RORA: variants seen among roughly 807,000 people sequenced by gnomAD.
RORA encodes the protein RAR related orphan receptor A.
RORA carries 7 observed loss-of-function variants against 69.5 expected under a neutral mutation model. That is an observed-to-expected ratio of 0.10 (90% CI 0.06 to 0.19). The LOEUF (loss-of-function observed/expected upper bound fraction) is 0.19, where lower values mean the gene tolerates loss of function less well. Among genes scored for constraint, RORA ranks in the 10% least tolerant of loss-of-function variants. The pLI is 1.00. For synonymous variants in RORA, 261 were observed against 240.8 expected, an observed-to-expected ratio of 1.08 and a Z score of -0.78; for missense variants, 457 against 663.0, an observed-to-expected ratio of 0.69 and a Z score of 3.41.
chr15:60,516,543 T>C (rs2065966722), intron 3 of RORA, among the ~76,000 whole-genome samples: 1 of 151,836 alleles, frequency 6.6e-6, no homozygotes, highest in Non-Finnish European at 1.5e-5. Flanking sequence ...GTTGTGAAGA[T>C]AGATGACCCC....
At chr15:60,757,312 T>G (rs1217432317) in intron 1 of RORA, among the ~76,000 whole-genome samples, 1 of 152,068 alleles carries the variant, frequency 6.6e-6, no homozygotes, top group South Asian at 2.1e-4. Context: ...TCCATAAACA[T>G]TATCAGGTCT....
At chr15:61,166,075 G>A (rs1274244982) in intron 1 of RORA, among the ~76,000 whole-genome samples, 1 of 152,202 alleles carries the variant, frequency 6.6e-6, no homozygotes, top group Admixed American at 6.5e-5. Flanking sequence ...TCTTCTGAGT[G>A]GGGGGCATCA....
In RORA at chr15:60,843,655, C is replaced by T. The variant is rs144687218; in HGVS notation, c.167-164969G>A. The stretch of plus-strand genomic sequence containing the variant: ...ACGCTTTCAAGATTCACACTCTGAC[C>T]GTGGCAAGCCAGGTTCTCGGAGGGT... On this transcript the variant is annotated intron_variant, in intron 1 of 10. Transcript: ENST00000335670. Among the ~76,000 whole-genome samples the T allele has an allele frequency of 1.6e-3, 241 of 151,848 alleles. 1 individual carries two copies. Among genetic ancestry groups the T allele is most frequent in the African/African-American group, 4.2e-3 (175 of 41,402 alleles).
intron 1 of RORA, among the ~76,000 whole-genome samples, chr15:60,836,057 A>G (rs1462994601): frequency 1.3e-5 from 2 of 152,244 alleles, no homozygotes; most frequent in African/African-American, 4.8e-5. Flanking sequence ...AGTGACAGGC[A>G]TATTTCTTAT....
At chr15:60,774,650 A>G (rs1039685222) in intron 1 of RORA, among the ~76,000 whole-genome samples, 12 of 152,244 alleles carry the variant, frequency 7.9e-5, no homozygotes, top group Non-Finnish European at 1.8e-4. Flanking sequence ...AAATACCCAC[A>G]GTCTTTATCT....
At chr15:60,566,055 A>G (rs2067704456) in intron 2 of RORA, among the ~76,000 whole-genome samples, 1 of 152,250 alleles carries the variant, frequency 6.6e-6, no homozygotes, top group African/African-American at 2.4e-5. Context: ...ATAGGGTATC[A>G]AGGAAAGTCT....
At chr15:61,058,765 C>T (rs185982702) in intron 1 of RORA, among the ~76,000 whole-genome samples, 58 of 152,276 alleles carry the variant, frequency 3.8e-4, no homozygotes, top group South Asian at 4.1e-4. Context: ...TGTATCATAA[C>T]GTGGCAGTGC....
chr15:60,918,573 T>G (rs957464947), intron 1 of RORA, among the ~76,000 whole-genome samples: 1 of 152,230 alleles, frequency 6.6e-6, no homozygotes, highest in African/African-American at 2.4e-5. Context: ...AATTACCCAT[T>G]AATGACATGA....
At position 60,876,874 on chromosome 15, in the gene RORA, A is replaced by C. The variant is rs148797467; in HGVS notation, c.167-198188T>G. ...ATTAAATTTTGTGGATATTGGACAT[A>C]TTTTCACTTGCGAGTGGGAGCTAAA... On this transcript the variant is annotated intron_variant, in intron 1 of 10. Coordinates refer to ENST00000335670, the MANE Select transcript of RORA (RefSeq NM_134261.3). 1.2e-3 allele frequency among the ~76,000 whole-genome samples: 176 copies of C among 152,232 alleles called. 1 individual carries two copies. The highest frequency in any genetic ancestry group is 4.1e-3 in the African/African-American group (169 of 41,540).
chr15:60,841,105 G>C, intron 1 of RORA: 2 of 984,764 alleles, frequency 2.0e-6, no homozygotes, highest in South Asian at 9.4e-5. Flanking sequence ...CATTTTTTCA[G>C]CAGAGAGCTG....
At chr15:60,731,573 G>T (rs909691299) in intron 1 of RORA, among the ~76,000 whole-genome samples, 2 of 152,216 alleles carry the variant, frequency 1.3e-5, no homozygotes, top group African/African-American at 2.4e-5. Flanking sequence ...AAGAGGAAAA[G>T]TTAACTTCAG....
At chr15:60,886,019 T>C (rs1379444875) in intron 1 of RORA, among the ~76,000 whole-genome samples, 1 of 152,210 alleles carries the variant, frequency 6.6e-6, no homozygotes, top group Non-Finnish European at 1.5e-5. Flanking sequence ...AGGGAATCAC[T>C]TCCCCACTGT....
At chr15:60,612,744 A>T (rs939558375) in intron 2 of RORA, among the ~76,000 whole-genome samples, 1 of 135,838 alleles carries the variant, frequency 7.4e-6, no homozygotes, top group African/African-American at 2.8e-5. Context: ...ACATGAAATT[A>T]GTTTATATTT....
intron 2 of RORA, among the ~76,000 whole-genome samples, chr15:60,644,769 T>C (rs1361297573): frequency 1.3e-5 from 2 of 152,164 alleles, no homozygotes; most frequent in Non-Finnish European, 2.9e-5. Context: ...TTTTAGGAAG[T>C]CCTGACCAAG....
chr15:61,186,278 C>T (rs991621930), intron 1 of RORA, among the ~76,000 whole-genome samples: 2 of 152,106 alleles, frequency 1.3e-5, no homozygotes, highest in African/African-American at 4.8e-5. Context: ...CCAGTATCAG[C>T]CCCAGGATTA....
chr15:61,102,497 T>C (rs2078894039), intron 1 of RORA, among the ~76,000 whole-genome samples: 1 of 152,238 alleles, frequency 6.6e-6, no homozygotes, highest in Non-Finnish European at 1.5e-5. Flanking sequence ...GTATTCCCTC[T>C]GCTCCAGGCC....
chr15:60,845,402 T>TGAAATATGGTTTCCCCC, intron 1 of RORA, among the ~76,000 whole-genome samples: 1 of 152,352 alleles, frequency 6.6e-6, no homozygotes, highest in African/African-American at 2.4e-5. Flanking sequence ...CCTATTTCCC[T>TGAAATATGGTTTCCCCC]GAAATATGGT....
At chr15:60,758,172 C>T (rs2071829951) in intron 1 of RORA, among the ~76,000 whole-genome samples, 1 of 152,166 alleles carries the variant, frequency 6.6e-6, no homozygotes, top group African/African-American at 2.4e-5. Flanking sequence ...ATTTGTTCAC[C>T]TCTACCATCC....
intron 2 of RORA, among the ~76,000 whole-genome samples, chr15:60,609,909 A>G (rs977363930): frequency 6.6e-6 from 1 of 152,188 alleles, no homozygotes; most frequent in Non-Finnish European, 1.5e-5. Context: ...GTAGGAGCCA[A>G]TGAAAACAGA....
Sources: allele counts gnomAD v4.1 joint callset (sites outside exome capture counted in the v4.1 genomes callset), GRCh38; gene constraint gnomAD v4.1.1; transcripts MANE v1.5; gene names NCBI Gene and HGNC (gene_info 2026-07-23, HGNC 2026-07-21).